MAML3: variants seen among roughly 807,000 people sequenced by gnomAD.
MAML3 encodes mastermind like transcriptional coactivator 3.
In MAML3, 27 loss-of-function variants were observed where a neutral mutation model predicts 101.9. The ratio of observed to expected loss-of-function variants is 0.27; its 90% CI spans 0.20 to 0.37. The LOEUF is 0.37. MAML3 is among the 10% of genes least tolerant of loss of function. MAML3 has a pLI of 1.00. For synonymous variants in MAML3, 501 were observed against 555.9 expected (o/e 0.90, Z 1.39); for missense variants, 1,316 against 1,444.9 (o/e 0.91, Z 1.45).
chr4:140,057,583 T>C (rs1281860455), intron 1 of MAML3, among the ~76,000 whole-genome samples: 1 of 152,200 alleles, frequency 6.6e-6, no homozygotes. Context: ...AAACATTAGA[T>C]ATTTATATTC....
intron 1 of MAML3, among the ~76,000 whole-genome samples, chr4:140,081,250 TA>T (rs200527871): frequency 0.012 from 1,750 of 147,036 alleles, 42 homozygotes; most frequent in African/African-American, 0.04. Flanking sequence ...TTAAACACAT[TA>T]AAAAAAAAAC....
rs971974647 is a variant in MAML3, at chr4:139,765,835, T to A, written c.2080-35168A>T. On this transcript the variant is annotated intron_variant, in intron 2 of 4. Transcript: ENST00000509479. ...TTGTCTGCACTAAAAATAAAAAAAA[T>A]AAATAAGCCAAGTGTGGTGGTGCGT... Among the ~76,000 whole-genome samples, 4 of 151,862 alleles carry A rather than the reference T, an allele frequency of 2.6e-5. No individual in the cohort carries two copies. In the East Asian group the frequency reaches 5.8e-4, roughly 22 times the overall value.
rs566567988 is a variant in MAML3, at chr4:139,773,209, C to T, written c.2080-42542G>A. On this transcript the variant is annotated intron_variant, in intron 2 of 4. Coordinates refer to ENST00000509479, the MANE Select transcript of MAML3 (RefSeq NM_018717.5). Reference sequence around the variant, plus strand: ...CTCTGAAACGTATTGGCTCACCATACGCTCATGAAGACAAACAGAAAAAAG... The same window carrying T: ...CTCTGAAACGTATTGGCTCACCATATGCTCATGAAGACAAACAGAAAAAAG... Among the ~76,000 whole-genome samples, 18 of 152,126 alleles carry T rather than the reference C, an allele frequency of 1.2e-4. No homozygotes were observed. In the East Asian group the frequency reaches 1.6e-3, roughly 13 times the overall value.
intron 3 of MAML3, among the ~76,000 whole-genome samples, chr4:139,727,395 A>G (rs970390567): frequency 1.3e-5 from 2 of 152,222 alleles, no homozygotes; most frequent in Non-Finnish European, 2.9e-5. Flanking sequence ...AACTTCCCAT[A>G]TAATATAAGA....
At chr4:140,079,443 A>G (rs1032669831) in intron 1 of MAML3, among the ~76,000 whole-genome samples, 15 of 152,024 alleles carry the variant, frequency 9.9e-5, no homozygotes, top group African/African-American at 3.6e-4. Flanking sequence ...ACAGGCACCC[A>G]CCACCACACT....
At chr4:139,808,366 G>A (rs1730736049) in intron 2 of MAML3, among the ~76,000 whole-genome samples, 1 of 152,228 alleles carries the variant, frequency 6.6e-6, no homozygotes, top group Non-Finnish European at 1.5e-5. Flanking sequence ...TCACCGGCCT[G>A]TGGCCAACCG....
intron 2 of MAML3, among the ~76,000 whole-genome samples, chr4:139,859,155 A>G (rs1194566814): frequency 6.6e-6 from 1 of 152,086 alleles, no homozygotes; most frequent in Non-Finnish European, 1.5e-5. Context: ...CCAGGCATGC[A>G]CTTCCAGGAA....
chr4:139,934,027 G>A (rs1172188626), intron 1 of MAML3, among the ~76,000 whole-genome samples: 1 of 152,164 alleles, frequency 6.6e-6, no homozygotes, highest in Non-Finnish European at 1.5e-5. Flanking sequence ...GTATATGAAT[G>A]TGTGTGGGAC....
At chr4:139,755,612 A>G (rs1337096778) in intron 2 of MAML3, among the ~76,000 whole-genome samples, 1 of 152,198 alleles carries the variant, frequency 6.6e-6, no homozygotes, top group African/African-American at 2.4e-5. Context: ...AGGATTTCCA[A>G]TTAATTTTTG....
intron 1 of MAML3, among the ~76,000 whole-genome samples, chr4:140,079,767 A>G (rs1380154157): frequency 6.6e-6 from 1 of 152,248 alleles, no homozygotes; most frequent in African/African-American, 2.4e-5. Flanking sequence ...TGAATTCTGC[A>G]TTACTAATAC....
intron 2 of MAML3, among the ~76,000 whole-genome samples, chr4:139,810,367 T>A (rs933851502): frequency 1.3e-5 from 2 of 151,876 alleles, no homozygotes; most frequent in East Asian, 1.9e-4. Flanking sequence ...ATTTTAAAAT[T>A]TTTTTAGAGT....
intron 1 of MAML3, among the ~76,000 whole-genome samples, chr4:139,939,910 G>A (rs948455887): frequency 2.6e-5 from 4 of 151,850 alleles, no homozygotes; most frequent in African/African-American, 7.3e-5. Flanking sequence ...GATTACAGGC[G>A]CCCGCCACCA....
chr4:139,873,512 C>G (rs1004602749), intron 2 of MAML3, among the ~76,000 whole-genome samples: 5 of 152,160 alleles, frequency 3.3e-5, no homozygotes, highest in Non-Finnish European at 7.4e-5. Context: ...TGTGGCTGGA[C>G]TTAAATTATT....
intron 3 of MAML3, among the ~76,000 whole-genome samples, chr4:139,727,283 A>C (rs1256874606): frequency 1.3e-5 from 2 of 152,250 alleles, no homozygotes; most frequent in East Asian, 3.8e-4. Flanking sequence ...TTGATTGTGT[A>C]GACCATTAAA....
intron 2 of MAML3, among the ~76,000 whole-genome samples, chr4:139,885,794 G>A (rs1401637166): frequency 6.0e-5 from 9 of 149,652 alleles, no homozygotes; most frequent in African/African-American, 1.2e-4. Flanking sequence ...TTAGCCAGGC[G>A]TGCCGGCAGG....
chr4:140,078,406 C>T (rs1240268284), intron 1 of MAML3, among the ~76,000 whole-genome samples: 1 of 152,134 alleles, frequency 6.6e-6, no homozygotes, highest in Non-Finnish European at 1.5e-5. Context: ...ACACTTTATG[C>T]CTCCCACACA....
intron 1 of MAML3, among the ~76,000 whole-genome samples, chr4:140,113,493 C>CT (rs1728471245): frequency 6.6e-6 from 1 of 152,124 alleles, no homozygotes; most frequent in African/African-American, 2.4e-5. Flanking sequence ...CTGTAGTAGA[C>CT]TATTTCTTCA....
rs1446911240 is a variant in MAML3, at chr4:139,821,402, G to A, written c.2079+67955C>T. Among the ~76,000 whole-genome samples, 5 of 152,186 alleles carry A rather than the reference G, an allele frequency of 3.3e-5. No individual in the cohort carries two copies. The South Asian group carries it at 6.2e-4, about 19-fold the overall frequency. Reference sequence around the variant, plus strand: ...CCTACTGTGAACTGTACATGTGAGGGATCTAGGTTGCATGCTCCTTATGAG... The same window carrying A: ...CCTACTGTGAACTGTACATGTGAGGAATCTAGGTTGCATGCTCCTTATGAG... On this transcript the variant is annotated intron_variant, in intron 2 of 4. Transcript: ENST00000509479.
At chr4:140,129,667 T>G (rs377638598) in intron 1 of MAML3, among the ~76,000 whole-genome samples, 13 of 152,128 alleles carry the variant, frequency 8.5e-5, no homozygotes, top group African/African-American at 3.1e-4. Flanking sequence ...AACTGGTGAT[T>G]AAGAATCAAA....
Sources: gnomAD v4.1 joint callset for allele counts (sites outside exome capture counted in the v4.1 genomes callset) on GRCh38, gnomAD v4.1.1 for gene constraint, MANE v1.5 for transcripts, NCBI Gene and HGNC (gene_info 2026-07-23, HGNC 2026-07-21) for gene names.